The following NAALADL2 variants were observed in gnomAD, a reference collection of about 807,000 sequenced individuals.
The protein encoded by NAALADL2 is inactive N-acetylated-alpha-linked acidic dipeptidase-like protein 2.
A neutral mutation model predicts 87.2 loss-of-function variants in NAALADL2; 76 were observed. The ratio of observed to expected loss-of-function variants is 0.87; its 90% CI spans 0.72 to 1.05. The LOEUF (loss-of-function observed/expected upper bound fraction) is 1.05. Ranked by LOEUF, NAALADL2 falls within the 50% of genes least tolerant of loss-of-function variation. NAALADL2 has a pLI of 0.00. For synonymous variants in NAALADL2, 354 were observed against 331.0 expected (o/e 1.07, Z -0.75); for missense variants, 1,089 against 945.8 (o/e 1.15, Z -1.99).
chr3:175,311,202 T>C lies in NAALADL2; in HGVS notation c.940-12973T>C, dbSNP rs1260402787. On this transcript the variant is annotated intron_variant, in intron 4 of 13. Coordinates refer to ENST00000454872, the MANE Select transcript of NAALADL2 (RefSeq NM_207015.3). ...TACTTTCTGGTCCCCACTCTGGAAC[T>C]ATATACTCAATCTAGAACATGGATT... 5.3e-5 allele frequency among the ~76,000 whole-genome samples: 8 copies of C among 149,842 alleles called. No individual in the cohort carries two copies. The South Asian group carries it at 1.3e-3, about 23-fold the overall frequency.
chr3:175,265,808 A>G (rs1751831332), intron 4 of NAALADL2, among the ~76,000 whole-genome samples: 2 of 151,556 alleles, frequency 1.3e-5, no homozygotes, highest in South Asian at 4.1e-4. Flanking sequence ...AATCTATACA[A>G]ACAGAAAATA....
At chr3:174,924,865 C>G (rs543429822) in intron 1 of NAALADL2, among the ~76,000 whole-genome samples, 1 of 152,280 alleles carries the variant, frequency 6.6e-6, no homozygotes, top group Admixed American at 6.5e-5. Context: ...GCACAAATGC[C>G]TTCTTTTGAG....
rs149569857 is a variant in NAALADL2, at chr3:175,693,679, G to C, written c.1897-43627G>C. Among the ~76,000 whole-genome samples the C allele has an allele frequency of 4.8e-3, 728 of 152,182 alleles. 2 individuals are homozygous for C. Among genetic ancestry groups the C allele is most frequent in the Non-Finnish European group, 8.0e-3 (546 of 67,988 alleles). Reference sequence around the variant, plus strand: ...AAAAAAAATTCTCAGAAAAGTGACAGATTTAGTTTTGTTTGTTGGGTTGGT... The same window carrying C: ...AAAAAAAATTCTCAGAAAAGTGACACATTTAGTTTTGTTTGTTGGGTTGGT... On this transcript the variant is annotated intron_variant, in intron 11 of 13. Transcript: ENST00000454872.
intron 9 of NAALADL2, among the ~76,000 whole-genome samples, chr3:175,573,708 C>T (rs1718428565): frequency 6.6e-6 from 1 of 152,114 alleles, no homozygotes; most frequent in Admixed American, 6.5e-5. Context: ...CTAAACTGTC[C>T]CAGCTTAATA....
chr3:175,700,282 G>A (rs772959598), intron 11 of NAALADL2, among the ~76,000 whole-genome samples: 6 of 152,086 alleles, frequency 3.9e-5, no homozygotes, highest in African/African-American at 7.2e-5. Context: ...GGAATAAATT[G>A]AGGATCAATA....
At chr3:174,581,520 T>C (rs1389752320) in intron 2 of NAALADL2, among the ~76,000 whole-genome samples, 1 of 151,734 alleles carries the variant, frequency 6.6e-6, no homozygotes, top group Non-Finnish European at 1.5e-5. Flanking sequence ...AAATACTGAG[T>C]GTTGGGGATA....
At chr3:175,617,628 C>A (rs573526396) in intron 10 of NAALADL2, among the ~76,000 whole-genome samples, 5 of 152,286 alleles carry the variant, frequency 3.3e-5, no homozygotes, top group Admixed American at 1.3e-4. Flanking sequence ...TCCTCCCAAC[C>A]CTATTCTAAA....
chr3:175,020,352 A>T (rs1751416738), intron 1 of NAALADL2, among the ~76,000 whole-genome samples: 1 of 152,060 alleles, frequency 6.6e-6, no homozygotes, highest in African/African-American at 2.4e-5. Context: ...TACAGTTCAC[A>T]TCTGTGTTTC....
intron 3 of NAALADL2, among the ~76,000 whole-genome samples, chr3:174,754,968 A>G: frequency 6.6e-6 from 1 of 152,190 alleles, no homozygotes; most frequent in African/African-American, 2.4e-5. Context: ...TGGCAAAACT[A>G]AATTTATTCA....
chr3:175,322,036 C>A (rs1367717106), intron 4 of NAALADL2, among the ~76,000 whole-genome samples: 3 of 151,964 alleles, frequency 2.0e-5, no homozygotes, highest in African/African-American at 7.3e-5. Flanking sequence ...CCAAGTCAAT[C>A]CGAAGCCAAA....
At chr3:175,071,206 A>G (rs980807581) in intron 1 of NAALADL2, among the ~76,000 whole-genome samples, 8 of 152,260 alleles carry the variant, frequency 5.3e-5, no homozygotes, top group Admixed American at 6.5e-5. Context: ...ACACATGCCA[A>G]TTAATGCCAC....
At chr3:175,644,232 T>C (rs951011054) in intron 11 of NAALADL2, among the ~76,000 whole-genome samples, 1 of 152,136 alleles carries the variant, frequency 6.6e-6, no homozygotes, top group Non-Finnish European at 1.5e-5. Context: ...TGCTCTCAGA[T>C]TTTGACTTTT....
intron 10 of NAALADL2, among the ~76,000 whole-genome samples, chr3:175,621,425 A>C (rs1726217047): frequency 6.6e-6 from 1 of 152,206 alleles, no homozygotes; most frequent in South Asian, 2.1e-4. Context: ...TACCCCTTTC[A>C]AGTGTAAACA....
At chr3:175,388,397 A>G (rs373642327) in intron 5 of NAALADL2, among the ~76,000 whole-genome samples, 7 of 152,146 alleles carry the variant, frequency 4.6e-5, no homozygotes, top group Non-Finnish European at 4.4e-5. Flanking sequence ...ATTGCTAGAC[A>G]TTATGTATGC....
intron 1 of NAALADL2, among the ~76,000 whole-genome samples, chr3:175,042,251 CCTT>C (rs1187609986): frequency 6.6e-6 from 1 of 152,106 alleles, no homozygotes; most frequent in Non-Finnish European, 1.5e-5. Context: ...GGCAGAATTT[CCTT>C]CTTTGTTGAA....
chr3:175,100,712 C>T, intron 2 of NAALADL2, among the ~76,000 whole-genome samples: 1 of 151,846 alleles, frequency 6.6e-6, no homozygotes, highest in East Asian at 1.9e-4. Context: ...GTGTTGGGCA[C>T]CTATAATCCC....
chr3:175,729,300 T>C (rs1438556402), intron 11 of NAALADL2, among the ~76,000 whole-genome samples: 6 of 152,288 alleles, frequency 3.9e-5, no homozygotes, highest in Non-Finnish European at 7.4e-5. Context: ...GATCAATAGC[T>C]ACTAGTTAGG....
intron 1 of NAALADL2, among the ~76,000 whole-genome samples, chr3:174,877,717 T>C (rs1047092173): frequency 1.3e-5 from 2 of 152,096 alleles, no homozygotes; most frequent in African/African-American, 2.4e-5. Context: ...TAAAGAATTG[T>C]TAAATAGCAT....
chr3:175,790,178 T>C (rs747394428), intron 13 of NAALADL2, among the ~76,000 whole-genome samples: 2 of 152,084 alleles, frequency 1.3e-5, no homozygotes, highest in Non-Finnish European at 1.5e-5. Flanking sequence ...TCAACAAACC[T>C]ATGCATTACT....
Sources: allele counts gnomAD v4.1 joint callset (sites outside exome capture counted in the v4.1 genomes callset), GRCh38; gene constraint gnomAD v4.1.1; transcripts MANE v1.5; gene names NCBI Gene and HGNC (gene_info 2026-07-23, HGNC 2026-07-21).